TEX9: variants seen among roughly 807,000 people sequenced by gnomAD.
TEX9 encodes testis-expressed protein 9.
Under a neutral mutation model 59.6 loss-of-function variants are expected in TEX9, and 74 were observed. The observed-to-expected ratio is 1.24, with a 90% confidence interval of 1.03 to 1.51. The LOEUF (loss-of-function observed/expected upper bound fraction) is 1.51. Among genes scored for constraint, TEX9 ranks in the 40% most tolerant of loss-of-function variants. The pLI, the probability that TEX9 is intolerant of heterozygous loss-of-function variation, is 0.00. For missense variants in TEX9, 522 were observed against 447.8 expected (o/e 1.17, Z -1.49); for synonymous variants, 186 against 152.2 (o/e 1.22, Z -1.64).
chr15:56,427,598 T>G lies in TEX9; in HGVS notation c.964-7T>G. The G allele has an allele frequency of 6.7e-7, 1 of 1,499,844 alleles. No individual in the cohort carries two copies. Among genetic ancestry groups the G allele is most frequent in the Middle Eastern group, 1.7e-4 (1 of 5,760 alleles). The allele number at this position is 1,499,844 out of a possible 1,614,324, so 92.9% of individuals were successfully genotyped here. On this transcript the variant is annotated splice_polypyrimidine_tract_variant and splice_region_variant and intron_variant, in intron 10 of 12. Transcript: ENST00000352903. The stretch of plus-strand genomic sequence containing the variant: ...AAAATATATGGCACTTTTTTTTCCT[T>G]GTGTAGGACATAGCAAATGAAGAAC...
intron 9 of TEX9, chr15:56,408,911 G>A (rs1296645246): frequency 6.6e-6 from 1 of 152,242 alleles, no homozygotes; most frequent in Non-Finnish European, 1.5e-5. Context: ...TAAAATTTAA[G>A]TCAGAGCCAG....
At chr15:56,339,383 C>CAAAAAAAAA (rs71456382) in intron 1 of TEX9, among the ~76,000 whole-genome samples, 450 of 30,672 alleles carry the variant, frequency 0.015, 53 homozygotes, top group Middle Eastern at 0.042. Flanking sequence ...ACTCCTTCTC[C>CAAAAAAAAA]AAAAAAAAAA....
At chr15:56,434,234 T>G (rs2050677529) in intron 12 of TEX9, 1 of 1,613,892 alleles carries the variant, frequency 6.2e-7, no homozygotes, top group African/African-American at 1.3e-5. Context: ...GAGCATTCAT[T>G]AATTCTATTC....
At chr15:56,366,357 T>C (rs1596122113) in intron 2 of TEX9, among the ~76,000 whole-genome samples, 1 of 152,150 alleles carries the variant, frequency 6.6e-6, no homozygotes, top group African/African-American at 2.4e-5. Flanking sequence ...CCTCTTCCCC[T>C]TTTCCCCCTA....
At chr15:56,343,234 G>A (rs2046406302) in intron 1 of TEX9, among the ~76,000 whole-genome samples, 1 of 152,052 alleles carries the variant, frequency 6.6e-6, no homozygotes, top group Non-Finnish European at 1.5e-5. Flanking sequence ...ATTGTCAGAG[G>A]AAGCTAAAGT....
chr15:56,246,556 C>T (rs2043862560), intron 1 of TEX9, among the ~76,000 whole-genome samples: 1 of 152,152 alleles, frequency 6.6e-6, no homozygotes, highest in East Asian at 1.9e-4. Flanking sequence ...GGAGTGTAGC[C>T]ATGTGCTTCT....
chr15:56,402,928 T>TA (rs754868209), intron 9 of TEX9, among the ~76,000 whole-genome samples: 2 of 152,176 alleles, frequency 1.3e-5, no homozygotes, highest in African/African-American at 2.4e-5. Flanking sequence ...TTGACAAAAT[T>TA]CAACAGCCTT....
At position 56,332,046 on chromosome 15, in the gene TEX9, G is replaced by A. The variant is rs1327959392; in HGVS notation, c.-106-41395G>A. Among the ~76,000 whole-genome samples the A allele has an allele frequency of 1.0e-3, 133 of 129,658 alleles. 1 individual carries two copies. The highest frequency in any genetic ancestry group is 3.5e-3 in the African/African-American group (120 of 34,656). 85.1% of individuals were successfully genotyped at this position (129,658 alleles called of 152,430 possible). A position where few individuals can be genotyped will look rare whatever the true frequency, so the allele number is the denominator to read the frequency against. On this transcript the variant is annotated intron_variant, in intron 1 of 5. Coordinates refer to the TEX9 transcript ENST00000560827. ...GGGACTGTAAACTAGTTCAACCATT[G>A]TGGAAGTCAGTGTGGCGATTCCTCA...
At chr15:56,327,318 C>G (rs1459240117) in intron 1 of TEX9, among the ~76,000 whole-genome samples, 1 of 152,066 alleles carries the variant, frequency 6.6e-6, no homozygotes, top group Non-Finnish European at 1.5e-5. Context: ...TGAAAAAATG[C>G]TTTATTTCAG....
At chr15:56,348,347 A>T (rs559380941) in intron 1 of TEX9, among the ~76,000 whole-genome samples, 6 of 152,200 alleles carry the variant, frequency 3.9e-5, no homozygotes, top group African/African-American at 1.4e-4. Context: ...GATAATTGAG[A>T]TTCCAGCTCC....
At chr15:56,365,849 C>T (rs1014078231) in intron 2 of TEX9, 179 bp downstream of exon 2, 1 of 1,422,648 alleles carries the variant, frequency 7.0e-7, no homozygotes, top group Non-Finnish European at 9.2e-7. Flanking sequence ...GAGTAGTTCG[C>T]CTGCGTATTA....
chr15:56,432,281 T>C (rs753420467), intron 12 of TEX9, among the ~76,000 whole-genome samples: 2 of 152,312 alleles, frequency 1.3e-5, no homozygotes, highest in South Asian at 2.1e-4. Flanking sequence ...GTAAATTAAA[T>C]TGTTTAGGCA....
chr15:56,318,677 T>C (rs1361009847), intron 1 of TEX9, among the ~76,000 whole-genome samples: 1 of 152,138 alleles, frequency 6.6e-6, no homozygotes, highest in African/African-American at 2.4e-5. Context: ...TGTTGTTTCT[T>C]TTACTATTTT....
chr15:56,394,436 C>T, intron 8 of TEX9, 189 bp downstream of exon 8: 2 of 629,096 alleles, frequency 3.2e-6, no homozygotes, highest in Non-Finnish European at 5.3e-6. Flanking sequence ...ATCTTAAATT[C>T]TTGCTACAAT....
chr15:56,425,404 A>T (rs997555224), intron 10 of TEX9, among the ~76,000 whole-genome samples: 1 of 152,028 alleles, frequency 6.6e-6, no homozygotes, highest in African/African-American at 2.4e-5. Context: ...ACTTTTCTTC[A>T]TTCTTTTACT....
In TEX9 at chr15:56,428,850, G is replaced by T. The variant is rs188841908; in HGVS notation, c.*29+377G>T. The T allele has an allele frequency of 7.1e-6, 3 of 423,712 alleles. No individual in the cohort carries two copies. The East Asian group carries it at 1.3e-4, about 18-fold the overall frequency. 26.2% of individuals were successfully genotyped at this position (423,712 alleles called of 1,614,324 possible). A position where few individuals can be genotyped will look rare whatever the true frequency, so the allele number is the denominator to read the frequency against. ...TTAGTCAAGGTAAATATACTGTCTT[G>T]AGGATGGGGATGCAAACAGTGCTCT... On this transcript the variant is annotated intron_variant, in intron 12 of 12. Coordinates refer to ENST00000352903, the Ensembl canonical transcript of TEX9.
intron 1 of TEX9, among the ~76,000 whole-genome samples, chr15:56,287,871 G>A (rs1376359942): frequency 1.3e-5 from 2 of 152,020 alleles, no homozygotes; most frequent in Admixed American, 6.5e-5. Context: ...TTTTAAGATT[G>A]AATAGTATTC....
intron 1 of TEX9, among the ~76,000 whole-genome samples, chr15:56,276,601 A>C (rs1027552653): frequency 1.3e-5 from 2 of 152,168 alleles, no homozygotes; most frequent in African/African-American, 4.8e-5. Context: ...GGGTTGGTCC[A>C]AGTCTTTGCT....
chr15:56,389,409 T>TAGTTTTCAA lies in TEX9; in HGVS notation c.395+13_395+21dup, dbSNP rs1188050651. The stretch of plus-strand genomic sequence containing the variant: ...AGGAAAACAAATTCAAGGTATAGTA[T>TAGTTTTCAA]AGTTTTCAAAGTATTTCTTTTTTTT... On this transcript the variant is annotated intron_variant, in intron 6 of 12. Coordinates refer to ENST00000352903, the Ensembl canonical transcript of TEX9. The TAGTTTTCAA allele has an allele frequency of 3.2e-6, 5 of 1,577,540 alleles. No homozygotes were observed. Among genetic ancestry groups the TAGTTTTCAA allele is most frequent in the Non-Finnish European group, 4.3e-6 (5 of 1,152,182 alleles).
Sources: allele counts gnomAD v4.1 joint callset (sites outside exome capture counted in the v4.1 genomes callset), GRCh38; gene constraint gnomAD v4.1.1; transcripts MANE v1.5; gene names NCBI Gene and HGNC (gene_info 2026-07-23, HGNC 2026-07-21).